PPP1R9A: variants seen among roughly 807,000 people sequenced by gnomAD.
PPP1R9A encodes the protein neurabin-1.
A neutral mutation model predicts 141.9 loss-of-function variants in PPP1R9A; 59 were observed. The ratio of observed to expected loss-of-function variants is 0.42; its 90% CI spans 0.34 to 0.52. The LOEUF (loss-of-function observed/expected upper bound fraction) is 0.52, where lower values mean the gene tolerates loss of function less well. PPP1R9A is among the 20% of genes least tolerant of loss of function. The probability of loss-of-function intolerance (pLI) is 0.10; values close to 1 mark genes in which losing one functional copy is unlikely to be tolerated. For missense variants in PPP1R9A, 1,444 were observed against 1,611.9 expected (o/e 0.90, Z 1.78); for synonymous variants, 500 against 569.7 (o/e 0.88, Z 1.74).
chr7:94,952,496 G>A (rs1796587954), intron 2 of PPP1R9A, among the ~76,000 whole-genome samples: 1 of 152,070 alleles, frequency 6.6e-6, no homozygotes, highest in Non-Finnish European at 1.5e-5. Context: ...GAGTCAAATG[G>A]TATTTCTAGT....
chr7:95,283,819 T>G (rs1804741116), intron 16 of PPP1R9A, among the ~76,000 whole-genome samples, 199 bp from the exon 17 acceptor site: 1 of 152,238 alleles, frequency 6.6e-6, no homozygotes, highest in African/African-American at 2.4e-5. Context: ...AAAATGTTGA[T>G]CATTGTCACA....
intron 2 of PPP1R9A, among the ~76,000 whole-genome samples, chr7:94,997,042 G>A (rs1217898181): frequency 6.6e-6 from 1 of 152,002 alleles, no homozygotes; most frequent in Admixed American, 6.6e-5. Flanking sequence ...GACCTCAGGC[G>A]ATCCACCTGC....
chr7:95,273,900 T>TGA lies in PPP1R9A; in HGVS notation c.3127_3128dup (p.Asp1043GlufsTer9). 1 of 1,499,024 alleles carries TGA rather than the reference T, an allele frequency of 6.7e-7. No homozygotes were observed. Among genetic ancestry groups the TGA allele is most frequent in the Middle Eastern group, 1.7e-4 (1 of 5,882 alleles). The allele number at this position is 1,499,024 out of a possible 1,614,324, so 92.9% of individuals were successfully genotyped here. Reference sequence around the variant, plus strand: ...TTTTCACAAATGTGTATATCCTAGATGATGCCAAAGATCCCAAATCACTAA... The same window carrying TGA: ...TTTTCACAAATGTGTATATCCTAGATGAGATGCCAAAGATCCCAAATCACTAA... On this transcript the variant is annotated frameshift_variant and splice_region_variant, in exon 15 of 20. Coordinates refer to ENST00000433360, the MANE Select transcript of PPP1R9A (RefSeq NM_001166160.2). LOFTEE classifies it high-confidence loss of function.
At chr7:95,237,393 G>A (rs1357266521) in intron 8 of PPP1R9A, among the ~76,000 whole-genome samples, 3 of 151,362 alleles carry the variant, frequency 2.0e-5, no homozygotes, top group East Asian at 1.9e-4. Context: ...ACGTGGTTTC[G>A]CCATGTTGGC....
intron 14 of PPP1R9A, among the ~76,000 whole-genome samples, chr7:95,271,363 A>C (rs945513642): frequency 2.0e-5 from 3 of 152,184 alleles, no homozygotes; most frequent in Non-Finnish European, 4.4e-5. Context: ...GGAGCAGTAG[A>C]CAGTGACAGG....
chr7:95,273,824 G>A (rs1310739128), intron 14 of PPP1R9A, 75 bp from the exon 15 acceptor site: 1 of 1,293,318 alleles, frequency 7.7e-7, no homozygotes, highest in Non-Finnish European at 1.1e-6. Context: ...CTTAGATTCA[G>A]AGATGCATTG....
At chr7:95,030,438 TA>T (rs1417257101) in intron 2 of PPP1R9A, among the ~76,000 whole-genome samples, 1 of 152,166 alleles carries the variant, frequency 6.6e-6, no homozygotes, top group East Asian at 1.9e-4. Flanking sequence ...TCTGAGACTG[TA>T]GAGAAAAACT....
intron 16 of PPP1R9A, among the ~76,000 whole-genome samples, chr7:95,275,831 G>A (rs1803074336): frequency 6.6e-6 from 1 of 152,184 alleles, no homozygotes; most frequent in Non-Finnish European, 1.5e-5. Context: ...ATGGGCGGGA[G>A]ATGAGGAGAG....
intron 2 of PPP1R9A, among the ~76,000 whole-genome samples, chr7:95,055,129 A>G (rs1042485569): frequency 6.6e-6 from 1 of 152,168 alleles, no homozygotes; most frequent in Non-Finnish European, 1.5e-5. Context: ...TGGAGATAAT[A>G]TGTGCATTGC....
At chr7:94,938,614 C>A (rs1221798709) in intron 2 of PPP1R9A, among the ~76,000 whole-genome samples, 1 of 151,910 alleles carries the variant, frequency 6.6e-6, no homozygotes, top group African/African-American at 2.4e-5. Context: ...TAAAAAATTT[C>A]TTTGACTGGT....
chr7:95,097,275 C>G (rs1584669877), intron 2 of PPP1R9A, among the ~76,000 whole-genome samples: 1 of 152,200 alleles, frequency 6.6e-6, no homozygotes, highest in African/African-American at 2.4e-5. Context: ...ATGCGCCCAC[C>G]TTGGCCTCCC....
chr7:95,234,479 A>G (rs1796407061), intron 8 of PPP1R9A, among the ~76,000 whole-genome samples: 1 of 152,218 alleles, frequency 6.6e-6, no homozygotes, highest in South Asian at 2.1e-4. Context: ...CAAGAAGGTA[A>G]AAGACCTCTA....
chr7:95,142,884 T>C (rs1826955883), intron 4 of PPP1R9A, among the ~76,000 whole-genome samples: 1 of 152,064 alleles, frequency 6.6e-6, no homozygotes, highest in South Asian at 2.1e-4. Context: ...GTGTATATTA[T>C]GTGTTATATA....
At chr7:95,078,474 A>G (rs888444150) in intron 2 of PPP1R9A, among the ~76,000 whole-genome samples, 2 of 152,000 alleles carry the variant, frequency 1.3e-5, no homozygotes, top group Non-Finnish European at 2.9e-5. Flanking sequence ...AGCATTATTT[A>G]TAGTCCTTTG....
At chr7:95,257,710 C>T (rs1362666484) in intron 12 of PPP1R9A, among the ~76,000 whole-genome samples, 1 of 151,976 alleles carries the variant, frequency 6.6e-6, no homozygotes, top group Admixed American at 6.6e-5. Flanking sequence ...TGTTCCCCTT[C>T]CTGTGTCCAT....
At chr7:95,073,210 TC>T (rs1814255792) in intron 2 of PPP1R9A, among the ~76,000 whole-genome samples, 1 of 151,636 alleles carries the variant, frequency 6.6e-6, no homozygotes, top group South Asian at 2.1e-4. Context: ...GGTCTCAAAC[TC>T]CTGACCGCAG....
intron 16 of PPP1R9A, among the ~76,000 whole-genome samples, chr7:95,275,618 ATAAAATT>A (rs1254883158): frequency 2.0e-5 from 3 of 152,294 alleles, no homozygotes; most frequent in East Asian, 3.9e-4. Flanking sequence ...AAATTTCTTT[ATAAAATT>A]TGGAAATAAT....
At chr7:95,101,042 C>T (rs1300161778) in intron 2 of PPP1R9A, among the ~76,000 whole-genome samples, 1 of 151,064 alleles carries the variant, frequency 6.6e-6, no homozygotes, top group Non-Finnish European at 1.5e-5. Flanking sequence ...TTAGTAGAGA[C>T]GGGGTTTCAC....
chr7:95,269,206 G>A lies in PPP1R9A; in HGVS notation c.2824-1G>A, dbSNP rs749331746. ...TTCCTTATAATCTCTTATACCAACA[G>A]CCATCAAACAGTTTCTATAACCACA... On this transcript the variant is annotated splice_acceptor_variant, in intron 13 of 19. Coordinates refer to ENST00000433360, the MANE Select transcript of PPP1R9A (RefSeq NM_001166160.2). LOFTEE classifies it high-confidence loss of function. 1.3e-6 allele frequency: 2 copies of A among 1,521,832 alleles called. No individual in the cohort carries two copies. The highest frequency in any genetic ancestry group is 4.5e-5 in the East Asian group (2 of 44,416). The allele number at this position is 1,521,832 out of a possible 1,614,324, so 94.3% of individuals were successfully genotyped here. A position where few individuals can be genotyped will look rare whatever the true frequency, so the allele number is the denominator to read the frequency against.
Sources: allele counts gnomAD v4.1 joint callset (sites outside exome capture counted in the v4.1 genomes callset), GRCh38; gene constraint gnomAD v4.1.1; transcripts MANE v1.5; gene names NCBI Gene and HGNC (gene_info 2026-07-23, HGNC 2026-07-21).